SLC24A2: variants seen among roughly 807,000 people sequenced by gnomAD.
The protein encoded by SLC24A2 is solute carrier family 24 member 2.
SLC24A2 carries 36 observed loss-of-function variants against 62.0 expected under a neutral mutation model. The observed-to-expected ratio is 0.58, with a 90% CI of 0.44 to 0.77. SLC24A2 has a LOEUF of 0.77. Among genes scored for constraint, SLC24A2 ranks in the 30% least tolerant of loss-of-function variants. SLC24A2 has a pLI of 0.00. For synonymous variants in SLC24A2, 358 were observed against 294.0 expected (o/e 1.22, Z -2.23); for missense variants, 846 against 817.9 (o/e 1.03, Z -0.42).
the SLC24A2 span, among the ~76,000 whole-genome samples, chr9:20,032,592 A>C: frequency 3.9e-5 from 6 of 152,204 alleles, no homozygotes; most frequent in African/African-American, 1.4e-4. Context: ...TACGGTAACT[A>C]TGTTCCTTCA....
the SLC24A2 span, among the ~76,000 whole-genome samples, chr9:19,876,798 GCT>G: frequency 6.6e-6 from 1 of 152,070 alleles, no homozygotes; most frequent in East Asian, 1.9e-4. Flanking sequence ...CACAAGGGTT[GCT>G]AGAAGATTTA....
At chr9:20,285,861 G>A in the SLC24A2 span, among the ~76,000 whole-genome samples, 3 of 152,166 alleles carry the variant, frequency 2.0e-5, no homozygotes, top group Non-Finnish European at 4.4e-5. Context: ...AAGTCCATTT[G>A]AGGACACAGC....
At chr9:19,533,827 A>G (rs1297309751) in intron 8 of SLC24A2, among the ~76,000 whole-genome samples, 8 of 152,224 alleles carry the variant, frequency 5.3e-5, no homozygotes, top group Non-Finnish European at 1.0e-4. Flanking sequence ...GGTCAAATCT[A>G]ACAAAAATCT....
chr9:19,518,814 T>C (rs933960010), intron 10 of SLC24A2, among the ~76,000 whole-genome samples: 1 of 152,210 alleles, frequency 6.6e-6, no homozygotes, highest in African/African-American at 2.4e-5. Context: ...TCACACTTAA[T>C]ATATTGCAAT....
chr9:19,660,975 T>C (rs1393930657), intron 2 of SLC24A2, among the ~76,000 whole-genome samples: 1 of 152,188 alleles, frequency 6.6e-6, no homozygotes, highest in African/African-American at 2.4e-5. Flanking sequence ...AGCTCGGACA[T>C]CCAGTAATTC....
the SLC24A2 span, among the ~76,000 whole-genome samples, chr9:20,043,252 C>G: frequency 3.9e-5 from 6 of 152,056 alleles, no homozygotes; most frequent in Non-Finnish European, 7.4e-5. Flanking sequence ...AGCAAAAGAA[C>G]GAAAAGAAAG....
At chr9:20,165,957 G>A in the SLC24A2 span, among the ~76,000 whole-genome samples, 1 of 151,712 alleles carries the variant, frequency 6.6e-6, no homozygotes, top group Non-Finnish European at 1.5e-5. Context: ...GGAAACATGA[G>A]ACATCCTATA....
intron 4 of SLC24A2, among the ~76,000 whole-genome samples, chr9:19,603,507 G>C (rs966535805): frequency 6.7e-6 from 1 of 148,648 alleles, no homozygotes; most frequent in Non-Finnish European, 1.5e-5. Context: ...AGGGGAGGGA[G>C]GGGGGCACTA....
intron 2 of SLC24A2, among the ~76,000 whole-genome samples, chr9:19,649,479 G>A (rs896100177): frequency 6.6e-6 from 1 of 152,106 alleles, no homozygotes; most frequent in Non-Finnish European, 1.5e-5. Context: ...TAGGGGTGGG[G>A]GTAGGGGGTT....
chr9:19,800,010 C>T, the SLC24A2 span, among the ~76,000 whole-genome samples: 2 of 152,140 alleles, frequency 1.3e-5, no homozygotes, highest in Middle Eastern at 3.2e-3. Flanking sequence ...TCTTGGCATT[C>T]CTGGATTTGT....
intron 2 of SLC24A2, among the ~76,000 whole-genome samples, chr9:19,746,564 A>G (rs1212718593): frequency 2.0e-5 from 3 of 152,100 alleles, no homozygotes; most frequent in African/African-American, 7.2e-5. Context: ...AAAAATATAA[A>G]ATATACCCAA....
At chr9:19,957,085 T>TAAGCGGC in the SLC24A2 span, among the ~76,000 whole-genome samples, 1 of 152,214 alleles carries the variant, frequency 6.6e-6, no homozygotes, top group East Asian at 1.9e-4. Flanking sequence ...ATTTACCTAA[T>TAAGCGGC]AAGCAGTGAT....
intron 2 of SLC24A2, among the ~76,000 whole-genome samples, chr9:19,624,235 C>T (rs776207218): frequency 3.9e-5 from 6 of 152,102 alleles, no homozygotes; most frequent in Non-Finnish European, 8.8e-5. Flanking sequence ...CACGCCTGGT[C>T]AGTTAACAAA....
intron 10 of SLC24A2, among the ~76,000 whole-genome samples, chr9:19,519,803 C>T (rs559739340): frequency 6.6e-6 from 1 of 152,302 alleles, no homozygotes; most frequent in East Asian, 1.9e-4. Flanking sequence ...GTTTTCCAGT[C>T]AGACAAGCAT....
chr9:19,800,577 T>G, the SLC24A2 span, among the ~76,000 whole-genome samples: 1 of 152,216 alleles, frequency 6.6e-6, no homozygotes, highest in African/African-American at 2.4e-5. Flanking sequence ...GATTTTGTCT[T>G]ATTGTTGATT....
At chr9:20,228,519 G>T in the SLC24A2 span, among the ~76,000 whole-genome samples, 3 of 151,996 alleles carry the variant, frequency 2.0e-5, no homozygotes, top group African/African-American at 4.8e-5. Flanking sequence ...TGGAAAATGG[G>T]GAGGTGAAGG....
intron 2 of SLC24A2, among the ~76,000 whole-genome samples, chr9:19,643,193 T>C (rs1818552849): frequency 6.6e-6 from 1 of 152,120 alleles, no homozygotes; most frequent in Non-Finnish European, 1.5e-5. Flanking sequence ...ATTTAAAAAT[T>C]ATAAATATTT....
At chr9:20,004,693 T>G in the SLC24A2 span, among the ~76,000 whole-genome samples, 1 of 152,224 alleles carries the variant, frequency 6.6e-6, no homozygotes, top group African/African-American at 2.4e-5. Context: ...TTTGTATATG[T>G]GTTCATGGCA....
At chr9:19,774,580 AG>A in intron 2 of SLC24A2, among the ~76,000 whole-genome samples, 1 of 152,364 alleles carries the variant, frequency 6.6e-6, no homozygotes, top group East Asian at 1.9e-4. Flanking sequence ...GTAAGTTGCT[AG>A]AACAACAGAT....
Sources: gnomAD v4.1 joint callset for allele counts (sites outside exome capture counted in the v4.1 genomes callset) on GRCh38, gnomAD v4.1.1 for gene constraint, MANE v1.5 for transcripts, NCBI Gene and HGNC (gene_info 2026-07-23, HGNC 2026-07-21) for gene names.